ENTPD3: variants seen among roughly 807,000 people sequenced by gnomAD.
ENTPD3 encodes CD39 antigen-like 3.
ENTPD3 carries 60 observed loss-of-function variants against 51.2 expected under a neutral mutation model. That is an observed-to-expected ratio of 1.17 (90% CI 0.95 to 1.45). ENTPD3 has a LOEUF of 1.45. Ranked by LOEUF, ENTPD3 falls within the 40% of genes most tolerant of loss-of-function variation. The pLI, the probability that ENTPD3 is intolerant of heterozygous loss-of-function variation, is 0.00. For synonymous variants in ENTPD3, 221 were observed against 238.4 expected (o/e 0.93, Z 0.67); for missense variants, 593 against 641.1 (o/e 0.93, Z 0.81).
intron 4 of ENTPD3, among the ~76,000 whole-genome samples, chr3:40,405,248 G>A (rs1348042691): frequency 6.6e-6 from 1 of 152,154 alleles, no homozygotes; most frequent in Non-Finnish European, 1.5e-5. Context: ...GCTCATGCCT[G>A]TAATCCCAGC....
At chr3:40,426,447 T>C (rs956078457) in intron 10 of ENTPD3, among the ~76,000 whole-genome samples, 1 of 151,944 alleles carries the variant, frequency 6.6e-6, no homozygotes, top group Non-Finnish European at 1.5e-5. Context: ...AAAATATATA[T>C]AGAAAAATAG....
In ENTPD3 at chr3:40,427,510, C is replaced by T. The variant is rs746600426; in HGVS notation, c.*2C>T. 4 of 1,610,228 alleles carry T rather than the reference C, an allele frequency of 2.5e-6. No homozygotes were observed. Among genetic ancestry groups the T allele is most frequent in the East Asian group, 4.5e-5 (2 of 44,836 alleles). On this transcript the variant is annotated 3_prime_UTR_variant, in exon 11 of 11. Coordinates refer to ENST00000301825, the MANE Select transcript of ENTPD3 (RefSeq NM_001248.4). ...GACCATGCAGTGGATTCTGACTGAG[C>T]CTTCAAAGCAGCTCCTGGAGTCCAA...
At chr3:40,419,682 A>G (rs115245183) in intron 7 of ENTPD3, among the ~76,000 whole-genome samples, 243 of 152,320 alleles carry the variant, frequency 1.6e-3, no homozygotes, top group African/African-American at 5.6e-3. Flanking sequence ...GTATCCTTCA[A>G]TAAAATGTAT....
Position 40,414,793 on chromosome 3 carries a change from G to A in ENTPD3, c.550G>A (p.Val184Ile). Reference protein sequence around the residue: ...AQIISGQEEGVYGWITANYLM... With the variant: ...AQIISGQEEGIYGWITANYLM... Reference sequence around the variant, plus strand: ...AATCATTTCTGGGCAAGAAGAAGGGGTATATGGATGGATTACAGCCAACTA... The same window carrying A: ...AATCATTTCTGGGCAAGAAGAAGGGATATATGGATGGATTACAGCCAACTA... Residue 184 changes from valine to isoleucine, a missense_variant, in exon 6 of 11, where the codon GTA (valine) becomes ATA (isoleucine). Coordinates refer to ENST00000301825, the MANE Select transcript of ENTPD3 (RefSeq NM_001248.4). 6.2e-7 allele frequency: 1 copy of A among 1,613,990 alleles called. No individual in the cohort carries two copies. The highest frequency in any genetic ancestry group is 8.5e-7 in the Non-Finnish European group (1 of 1,179,964).
intron 5 of ENTPD3, among the ~76,000 whole-genome samples, chr3:40,413,352 A>C (rs1658071553): frequency 6.6e-6 from 1 of 152,232 alleles, no homozygotes; most frequent in Non-Finnish European, 1.5e-5. Flanking sequence ...GGACCTGAGC[A>C]ATACCAACAA....
intron 6 of ENTPD3, 109 bp from the exon 7 acceptor site, chr3:40,415,731 C>T: frequency 1.3e-6 from 1 of 781,542 alleles, no homozygotes; most frequent in African/African-American, 1.7e-5. Flanking sequence ...TCACATGCTC[C>T]CTCTGTCCTA....
rs576404758 is a variant in ENTPD3, at chr3:40,423,770, G to A, written c.1216-56G>A. Reference sequence around the variant, plus strand: ...TAAAACATGACTTTTAACCCAAGGTGTTCATTTTAAAACATACCTGCCTGC... The same window carrying A: ...TAAAACATGACTTTTAACCCAAGGTATTCATTTTAAAACATACCTGCCTGC... On this transcript the variant is annotated intron_variant, in intron 9 of 10. Coordinates refer to ENST00000301825, the MANE Select transcript of ENTPD3 (RefSeq NM_001248.4). 7.5e-6 allele frequency: 12 copies of A among 1,591,424 alleles called. No individual in the cohort carries two copies. The South Asian group carries it at 9.1e-5, about 12-fold the overall frequency.
chr3:40,423,879 C>G lies in ENTPD3; in HGVS notation c.1269C>G (p.Phe423Leu), dbSNP rs141151954. 5.6e-6 allele frequency: 9 copies of G among 1,614,042 alleles called. No homozygotes were observed. In the African/African-American group the frequency reaches 1.1e-4, roughly 19 times the overall value. Residue 423 changes from phenylalanine (F) to leucine (L), a missense_variant, in exon 10 of 11, where the codon TTC becomes TTG. Phe to Leu is a conservative substitution (Grantham distance 22). Coordinates refer to ENST00000301825, the MANE Select transcript of ENTPD3 (RefSeq NM_001248.4). The part of the protein sequence containing the change: ...FDEVYARSYC[F>L]SANYIYHLFV... ...AGGTATATGCCCGCTCTTACTGCTT[C>G]TCAGCCAACTACATCTACCACTTGT...
chr3:40,387,940 G>C (rs1482451147), intron 1 of ENTPD3, 106 bp from the exon 2 acceptor site: 4 of 880,048 alleles, frequency 4.5e-6, no homozygotes, highest in African/African-American at 1.6e-5. Flanking sequence ...ATGAGGTTTT[G>C]ATTTGGAGGA....
chr3:40,411,701 C>A, intron 4 of ENTPD3, 111 bp from the exon 5 acceptor site: 3 of 1,147,002 alleles, frequency 2.6e-6, no homozygotes, highest in South Asian at 1.9e-5. Context: ...TGTTTTCGAC[C>A]CCCTACCAAA....
intron 4 of ENTPD3, among the ~76,000 whole-genome samples, chr3:40,409,026 G>C (rs1955567061): frequency 6.6e-6 from 1 of 151,962 alleles, no homozygotes; most frequent in South Asian, 2.1e-4. Flanking sequence ...GGGAGGCCAA[G>C]TGGATCAGCT....
intron 7 of ENTPD3, among the ~76,000 whole-genome samples, chr3:40,417,577 T>G (rs545477322): frequency 6.6e-6 from 1 of 152,188 alleles, no homozygotes; most frequent in African/African-American, 2.4e-5. Context: ...CAATTTTACA[T>G]GAGACAAAGC....
intron 4 of ENTPD3, among the ~76,000 whole-genome samples, chr3:40,406,537 T>G: frequency 6.6e-6 from 1 of 152,198 alleles, no homozygotes; most frequent in Admixed American, 6.5e-5. Context: ...GGGCTAAGAT[T>G]GGAAGCAAGG....
chr3:40,400,418 G>T (rs549643618), intron 3 of ENTPD3, among the ~76,000 whole-genome samples: 1 of 152,094 alleles, frequency 6.6e-6, no homozygotes, highest in Non-Finnish European at 1.5e-5. Flanking sequence ...TTCATTTTCC[G>T]TCTGAGACGA....
At chr3:40,415,758 G>A in intron 6 of ENTPD3, 82 bp from the exon 7 acceptor site, 4 of 1,046,726 alleles carry the variant, frequency 3.8e-6, no homozygotes, top group Non-Finnish European at 4.4e-6. Flanking sequence ...AGTAATAGGA[G>A]ACGAGGCTTG....
At chr3:40,399,274 A>G (rs1383005192) in intron 3 of ENTPD3, among the ~76,000 whole-genome samples, 2 of 152,152 alleles carry the variant, frequency 1.3e-5, no homozygotes. Flanking sequence ...CAATAGTTGG[A>G]TTTGAGGGAT....
chr3:40,411,088 C>T (rs1955617441), intron 4 of ENTPD3, among the ~76,000 whole-genome samples: 1 of 151,842 alleles, frequency 6.6e-6, no homozygotes, highest in Non-Finnish European at 1.5e-5. Flanking sequence ...GTCAGGAGTT[C>T]GAGACCAGCC....
At chr3:40,420,731 T>C (rs1955851563) in intron 7 of ENTPD3, among the ~76,000 whole-genome samples, 1 of 152,180 alleles carries the variant, frequency 6.6e-6, no homozygotes, top group African/African-American at 2.4e-5. Flanking sequence ...TTGATGAATA[T>C]TAAGCTTTTA....
In ENTPD3 at chr3:40,415,939, G is replaced by A. The variant is rs748511323; in HGVS notation, c.697G>A (p.Glu233Lys). 7.4e-6 allele frequency: 12 copies of A among 1,614,040 alleles called. No homozygotes were observed. The highest frequency in any genetic ancestry group is 1.6e-4 in the Middle Eastern group (1 of 6,084). ...ASTQISFVAG[E>K]KMDLNTSDIM... ...CACCCAAATATCCTTCGTGGCAGGA[G>A]AGAAGATGGATCTGAACACCAGCGA... Residue 233 changes from glutamate (E) to lysine (K), a missense_variant, in exon 7 of 11, where the codon GAG (glutamate) becomes AAG (lysine). By Grantham distance (56) the Glu-to-Lys change is moderately conservative (BLOSUM62 1). Transcript: ENST00000301825.
Sources: gnomAD v4.1 joint callset for allele counts (sites outside exome capture counted in the v4.1 genomes callset) on GRCh38, gnomAD v4.1.1 for gene constraint, MANE v1.5 for transcripts, NCBI Gene and HGNC (gene_info 2026-07-23, HGNC 2026-07-21) for gene names.